CA10: variants seen among roughly 807,000 people sequenced by gnomAD.
CA10 encodes the protein carbonic anhydrase-related protein 10.
In CA10, 14 loss-of-function variants were observed where a neutral mutation model predicts 44.2. The observed-to-expected ratio is 0.32, with a 90% CI of 0.21 to 0.50. CA10 has a LOEUF of 0.50. Ranked by LOEUF, CA10 falls within the 20% of genes least tolerant of loss-of-function variation. The pLI is 0.99. For synonymous variants in CA10, 159 were observed against 141.6 expected (o/e 1.12, Z -0.87); for missense variants, 350 against 409.7 (o/e 0.85, Z 1.26).
chr17:52,089,530 A>G (rs967391054), intron 1 of CA10, among the ~76,000 whole-genome samples: 1 of 152,112 alleles, frequency 6.6e-6, no homozygotes, highest in Non-Finnish European at 1.5e-5. Context: ...CCTTCTCTGC[A>G]GGGGATTATG....
intron 2 of CA10, among the ~76,000 whole-genome samples, chr17:52,031,993 A>C (rs908832657): frequency 6.6e-6 from 1 of 152,228 alleles, no homozygotes; most frequent in African/African-American, 2.4e-5. Context: ...TGCCATGAGC[A>C]CAGTAAAGAT....
chr17:51,903,356 C>A (rs776065096), intron 3 of CA10, among the ~76,000 whole-genome samples: 7 of 152,144 alleles, frequency 4.6e-5, no homozygotes, highest in Non-Finnish European at 7.4e-5. Context: ...TTGTAATAAT[C>A]TGATAGGCTA....
chr17:51,801,614 G>A (rs545972969), intron 3 of CA10, among the ~76,000 whole-genome samples: 18 of 152,240 alleles, frequency 1.2e-4, no homozygotes, highest in African/African-American at 2.9e-4. Context: ...CCTCAGAAAC[G>A]AAATCTAGAA....
rs974948027 is a variant in CA10 at position 51,797,362 on chromosome 17, G to GCACGCACA, written c.280-49552_280-49545dup. 5.3e-5 allele frequency among the ~76,000 whole-genome samples: 8 copies of GCACGCACA among 152,292 alleles called. No homozygotes were observed. In the East Asian group the frequency reaches 1.2e-3, roughly 22 times the overall value. On this transcript the variant is annotated intron_variant, in intron 3 of 8. Transcript: ENST00000451037. ...GGCGCATGCGCGCGCACGCACGCGT[G>GCACGCACA]CACGCACACACGCACACCCCGCCCT...
intron 3 of CA10, among the ~76,000 whole-genome samples, chr17:51,915,950 C>T (rs1981978108): frequency 4.0e-5 from 6 of 148,888 alleles, no homozygotes; most frequent in Admixed American, 3.4e-4. Context: ...TTCCTCACTG[C>T]TATTAAGATT....
At chr17:51,937,277 C>T (rs1402975588) in intron 2 of CA10, among the ~76,000 whole-genome samples, 1 of 152,104 alleles carries the variant, frequency 6.6e-6, no homozygotes, top group Non-Finnish European at 1.5e-5. Flanking sequence ...TTTTCCTCAC[C>T]AATCCTGATT....
chr17:52,024,592 T>C (rs1986243362), intron 2 of CA10, among the ~76,000 whole-genome samples: 1 of 152,012 alleles, frequency 6.6e-6, no homozygotes, highest in African/African-American at 2.4e-5. Flanking sequence ...AGTAGCAGCG[T>C]GGCATATTGT....
chr17:51,926,854 G>A (rs948965169), intron 3 of CA10, among the ~76,000 whole-genome samples: 2 of 152,082 alleles, frequency 1.3e-5, no homozygotes, highest in Non-Finnish European at 2.9e-5. Flanking sequence ...GAAGTCCTGT[G>A]GATTAAGATG....
intron 4 of CA10, among the ~76,000 whole-genome samples, chr17:51,714,183 C>G (rs1916026396): frequency 6.6e-6 from 1 of 152,074 alleles, no homozygotes; most frequent in African/African-American, 2.4e-5. Flanking sequence ...ATTTGAGAGG[C>G]AGGGTGTGAT....
intron 3 of CA10, among the ~76,000 whole-genome samples, chr17:51,804,382 T>C (rs923727239): frequency 2.0e-5 from 3 of 152,232 alleles, no homozygotes; most frequent in Non-Finnish European, 4.4e-5. Flanking sequence ...GCTCGCTTAC[T>C]GAGCTCTGAG....
chr17:51,653,581 A>C (rs1303188983), intron 5 of CA10, 60 bp downstream of exon 5: 1 of 923,876 alleles, frequency 1.1e-6, no homozygotes, highest in African/African-American at 1.6e-5. Flanking sequence ...AGAGACCGTA[A>C]ATTGGTATTC....
intron 2 of CA10, among the ~76,000 whole-genome samples, chr17:52,023,188 A>G (rs1986196025): frequency 6.6e-6 from 1 of 152,088 alleles, no homozygotes. Flanking sequence ...ACTTCATCAC[A>G]TTACCCAACT....
chr17:52,047,467 TAA>T (rs145073303), intron 2 of CA10, among the ~76,000 whole-genome samples: 2,985 of 152,138 alleles, frequency 0.02, 94 homozygotes, highest in African/African-American at 0.066. Context: ...AATAGATATT[TAA>T]AAGACTATAA....
intron 2 of CA10, among the ~76,000 whole-genome samples, chr17:51,998,993 T>C (rs148258513): frequency 6.6e-6 from 1 of 152,006 alleles, no homozygotes; most frequent in Non-Finnish European, 1.5e-5. Context: ...ATTAATGGAG[T>C]GAATAATCTA....
intron 4 of CA10, among the ~76,000 whole-genome samples, chr17:51,657,762 C>T (rs1411105230): frequency 6.6e-6 from 1 of 152,200 alleles, no homozygotes; most frequent in Non-Finnish European, 1.5e-5. Context: ...TGATGTGAAA[C>T]AGATGATCAA....
intron 4 of CA10, among the ~76,000 whole-genome samples, chr17:51,707,648 G>T (rs1915801090): frequency 1.5e-5 from 2 of 136,064 alleles, no homozygotes; most frequent in South Asian, 4.9e-4. Flanking sequence ...GAGCAGGTGT[G>T]CAGGGAAGGA....
chr17:52,006,606 T>G (rs1985607252), intron 2 of CA10, among the ~76,000 whole-genome samples: 2 of 151,842 alleles, frequency 1.3e-5, no homozygotes, highest in African/African-American at 4.8e-5. Context: ...ATCACCTATC[T>G]GCATCTCCAC....
intron 4 of CA10, among the ~76,000 whole-genome samples, chr17:51,712,869 C>T (rs1915986531): frequency 1.3e-5 from 2 of 152,218 alleles, no homozygotes; most frequent in African/African-American, 4.8e-5. Context: ...AGTAACATTG[C>T]CTACGACCTT....
chr17:51,786,214 CTGTGTG>C (rs71357856), intron 3 of CA10, among the ~76,000 whole-genome samples: 2 of 147,920 alleles, frequency 1.4e-5, no homozygotes, highest in South Asian at 2.2e-4. Context: ...CTTTGTGTGT[CTGTGTG>C]TGTGTGTGTG....
Sources: allele counts gnomAD v4.1 joint callset (sites outside exome capture counted in the v4.1 genomes callset), GRCh38; gene constraint gnomAD v4.1.1; transcripts MANE v1.5; gene names NCBI Gene and HGNC (gene_info 2026-07-23, HGNC 2026-07-21).